Variants in ZNF407 observed in about 807,000 individuals in gnomAD.
ZNF407 encodes the protein zinc finger protein 407.
In ZNF407, 17 loss-of-function variants were observed where a neutral mutation model predicts 131.2. The observed-to-expected ratio is 0.13, with a 90% CI of 0.09 to 0.19. ZNF407 has a LOEUF of 0.19. ZNF407 is among the 10% of genes least tolerant of loss of function. ZNF407 has a pLI of 1.00. For synonymous variants in ZNF407, 1,156 were observed against 1,062.0 expected, an observed-to-expected ratio of 1.09 and a Z score of -1.72; for missense variants, 2,681 against 2,830.6, an observed-to-expected ratio of 0.95 and a Z score of 1.20.
Position 75,063,745 on chromosome 18 carries a change from C to G in ZNF407, c.6024C>G (p.Leu2008=), listed in dbSNP as rs758006433. 3.7e-6 allele frequency: 6 copies of G among 1,611,806 alleles called. No individual in the cohort carries two copies. In the African/African-American group the frequency reaches 6.7e-5, roughly 18 times the overall value. Residue 2008 remains leucine (L), a synonymous_variant, in exon 9 of 9, where the codon CTC becomes CTG. Transcript: ENST00000299687. This position sits in a 1 kb window ranked among gnomAD's most constrained non-coding sequence, Gnocchi z 6.6. ...ELGEVEGRAG[L]EEQGRPGAKD... is the part of the protein sequence containing the mutation. Reference sequence around the variant, plus strand: ...GGGAGGTGGAGGGCAGGGCTGGGCTCGAGGAGCAAGGCAGGCCCGGCGCCA... The same window carrying G: ...GGGAGGTGGAGGGCAGGGCTGGGCTGGAGGAGCAAGGCAGGCCCGGCGCCA...
At chr18:74,673,178 G>T (rs77288475) in intron 3 of ZNF407, among the ~76,000 whole-genome samples, 1 of 152,286 alleles carries the variant, frequency 6.6e-6, no homozygotes, top group African/African-American at 2.4e-5. Flanking sequence ...CAGTGTATCA[G>T]TTTCCTGCTG....
intron 3 of ZNF407, among the ~76,000 whole-genome samples, chr18:74,750,242 A>G (rs1356255832): frequency 6.6e-6 from 1 of 152,092 alleles, no homozygotes; most frequent in South Asian, 2.1e-4. Context: ...ATCTTGTGGT[A>G]TTTTTTGCCT....
intron 1 of ZNF407, among the ~76,000 whole-genome samples, chr18:74,614,029 G>A (rs942571121): frequency 3.3e-5 from 5 of 152,162 alleles, no homozygotes; most frequent in Non-Finnish European, 4.4e-5. Context: ...TGTGATTTCT[G>A]CTGGTCATGA....
At chr18:74,606,207 TTAAAAA>T (rs1200880802) in intron 1 of ZNF407, among the ~76,000 whole-genome samples, 1 of 152,168 alleles carries the variant, frequency 6.6e-6, no homozygotes, top group African/African-American at 2.4e-5. Flanking sequence ...CATGGTGATC[TTAAAAA>T]TAAAATTTGG....
At chr18:74,655,799 C>T (rs1438542375) in intron 3 of ZNF407, among the ~76,000 whole-genome samples, 2 of 152,068 alleles carry the variant, frequency 1.3e-5, no homozygotes, top group African/African-American at 4.8e-5. Flanking sequence ...GATATTGGTA[C>T]AATCAGTCGG....
chr18:74,914,422 C>T (rs560684853), intron 7 of ZNF407, among the ~76,000 whole-genome samples: 5 of 152,192 alleles, frequency 3.3e-5, no homozygotes, highest in African/African-American at 4.8e-5. Flanking sequence ...GTGTGTGTTG[C>T]TCACCTTTCC....
chr18:74,922,422 C>A (rs767558552), intron 8 of ZNF407, among the ~76,000 whole-genome samples: 1 of 152,034 alleles, frequency 6.6e-6, no homozygotes, highest in Admixed American at 6.5e-5. Context: ...ACATGAAAAA[C>A]GGATTGTTCC....
At chr18:74,945,452 G>C (rs1972144583) in intron 8 of ZNF407, among the ~76,000 whole-genome samples, 1 of 152,098 alleles carries the variant, frequency 6.6e-6, no homozygotes, top group Non-Finnish European at 1.5e-5. Context: ...CTTATTTAGA[G>C]AAAAGACAGA....
intron 8 of ZNF407, among the ~76,000 whole-genome samples, chr18:75,006,674 A>G (rs1435023854): frequency 2.6e-5 from 4 of 152,214 alleles, no homozygotes; most frequent in African/African-American, 9.7e-5. Flanking sequence ...TTGGTACAGC[A>G]GTGAGCCCTT....
At chr18:74,943,785 C>T (rs982366262) in intron 8 of ZNF407, among the ~76,000 whole-genome samples, 11 of 151,972 alleles carry the variant, frequency 7.2e-5, no homozygotes, top group Non-Finnish European at 1.2e-4. Context: ...CCTCATGGAC[C>T]GCGAGCCCAA....
intron 8 of ZNF407, among the ~76,000 whole-genome samples, chr18:75,018,093 G>A (rs760845474): frequency 2.0e-5 from 3 of 152,156 alleles, no homozygotes; most frequent in Non-Finnish European, 4.4e-5. Context: ...ATAGAATTAT[G>A]TGAACAACGG....
intron 8 of ZNF407, among the ~76,000 whole-genome samples, chr18:74,940,682 A>G (rs1972087442): frequency 6.6e-6 from 1 of 152,124 alleles, no homozygotes; most frequent in South Asian, 2.1e-4. Flanking sequence ...TTCCTTAAAA[A>G]CACTGAAGTC....
At chr18:74,903,692 G>A (rs1331468691) in intron 7 of ZNF407, among the ~76,000 whole-genome samples, 1 of 152,008 alleles carries the variant, frequency 6.6e-6, no homozygotes, top group African/African-American at 2.4e-5. Context: ...AGAGTTCGGG[G>A]GTCTATATTT....
intron 4 of ZNF407, among the ~76,000 whole-genome samples, chr18:74,817,487 T>C (rs1488842773): frequency 6.6e-6 from 1 of 152,150 alleles, no homozygotes; most frequent in Non-Finnish European, 1.5e-5. Flanking sequence ...TTTAGAAAAA[T>C]ATGTGTGATA....
At chr18:74,938,085 G>A (rs752190004) in intron 8 of ZNF407, among the ~76,000 whole-genome samples, 11 of 152,016 alleles carry the variant, frequency 7.2e-5, no homozygotes, top group African/African-American at 1.2e-4. Context: ...CAATCCCAGC[G>A]CATTATGCTT....
intron 4 of ZNF407, among the ~76,000 whole-genome samples, chr18:74,816,447 A>G (rs75799424): frequency 0.018 from 2,738 of 152,328 alleles, 76 homozygotes; most frequent in African/African-American, 0.062. Context: ...TGTCATAAGA[A>G]TTGGGTACTT....
intron 4 of ZNF407, among the ~76,000 whole-genome samples, chr18:74,790,734 A>G (rs551150691): frequency 6.6e-6 from 1 of 152,334 alleles, no homozygotes; most frequent in South Asian, 2.1e-4. Flanking sequence ...TTCATTATAC[A>G]GTACTGACTT....
At chr18:74,747,312 G>A (rs1178224546) in intron 3 of ZNF407, among the ~76,000 whole-genome samples, 1 of 152,086 alleles carries the variant, frequency 6.6e-6, no homozygotes, top group Non-Finnish European at 1.5e-5. Flanking sequence ...TTCCGGAAGG[G>A]AATTACATGG....
At chr18:74,643,229 A>T (rs958438268) in intron 3 of ZNF407, among the ~76,000 whole-genome samples, 5 of 152,140 alleles carry the variant, frequency 3.3e-5, no homozygotes, top group African/African-American at 1.2e-4. Flanking sequence ...TCAATTCATT[A>T]TCATTGATGG....
Sources: gnomAD v4.1 joint callset for allele counts (sites outside exome capture counted in the v4.1 genomes callset) on GRCh38, gnomAD v4.1.1 for gene constraint, Gnocchi (gnomAD v3.1) non-coding constraint, MANE v1.5 for transcripts, NCBI Gene and HGNC (gene_info 2026-07-23, HGNC 2026-07-21) for gene names.